Variants in PAGE2B observed in about 807,000 individuals in gnomAD.
PAGE2B encodes the protein PAGE family member 2B.
A neutral mutation model predicts 7.6 loss-of-function variants in PAGE2B; 5 were observed. The observed-to-expected ratio is 0.66, with a 90% CI of 0.34 to 1.38. The LOEUF (loss-of-function observed/expected upper bound fraction) is 1.38, where lower values mean the gene tolerates loss of function less well. PAGE2B is among the 40% of genes most tolerant of loss of function. The probability of loss-of-function intolerance (pLI) is 0.04; values close to 1 mark genes in which losing one functional copy is unlikely to be tolerated. For missense variants in PAGE2B, 70 were observed against 78.4 expected (o/e 0.89, Z 0.41); for synonymous variants, 29 against 26.7 (o/e 1.09, Z -0.27).
At chrX:55,064,086 A>G in the PAGE2B span, among the ~76,000 whole-genome samples, 1 of 111,268 alleles carries the variant, frequency 9.0e-6, no homozygotes, top group African/African-American at 3.3e-5. Flanking sequence ...TGAGTTTAGA[A>G]GTATTCTCTC....
chrX:55,044,504 G>A, the PAGE2B span, among the ~76,000 whole-genome samples: 4 of 110,715 alleles, frequency 3.6e-5, no homozygotes, highest in East Asian at 2.8e-4. Flanking sequence ...TGAGTACAGC[G>A]TACACTGCTT....
At chrX:55,073,482 A>G (rs1245255733), upstream of PAGE2B, among the ~76,000 whole-genome samples, 1 of 110,894 alleles carries the variant, frequency 9.0e-6, no homozygotes, top group African/African-American at 3.3e-5. Context: ...GGAGTTGCAG[A>G]CCAAAGCTTT....
chrX:55,037,186 A>C, the PAGE2B span, among the ~76,000 whole-genome samples: 1 of 112,013 alleles, frequency 8.9e-6, no homozygotes, highest in Non-Finnish European at 1.9e-5. Flanking sequence ...ATCTACAATG[A>C]ACTCAAACAA....
the PAGE2B span, among the ~76,000 whole-genome samples, chrX:55,062,184 A>G: frequency 1.8e-5 from 2 of 111,739 alleles, no homozygotes; most frequent in Non-Finnish European, 1.9e-5. Context: ...ACTGTTCTCC[A>G]TAATGGTTGT....
chrX:55,032,080 C>T, the PAGE2B span, among the ~76,000 whole-genome samples: 1 of 111,548 alleles, frequency 9.0e-6, no homozygotes, highest in Admixed American at 9.5e-5. Context: ...TTCCCCCCTC[C>T]ATTATGATTA....
At chrX:55,074,764 A>G (rs897190156), upstream of PAGE2B, among the ~76,000 whole-genome samples, 3 of 112,747 alleles carry the variant, frequency 2.7e-5, no homozygotes, top group Non-Finnish European at 5.6e-5. Flanking sequence ...ACACATTATT[A>G]GAGTAACCTG....
At chrX:55,039,565 G>A in the PAGE2B span, among the ~76,000 whole-genome samples, 6 of 109,788 alleles carry the variant, frequency 5.5e-5, no homozygotes, top group Admixed American at 5.8e-4. Flanking sequence ...AACCCTAATG[G>A]TATTTTTTTA....
the PAGE2B span, among the ~76,000 whole-genome samples, chrX:55,034,646 G>A: frequency 1.8e-5 from 2 of 109,074 alleles, no homozygotes; most frequent in African/African-American, 6.7e-5. Context: ...TAATCTATAT[G>A]CTTAGTAGGA....
At chrX:55,051,912 G>T in the PAGE2B span, among the ~76,000 whole-genome samples, 1 of 111,593 alleles carries the variant, frequency 9.0e-6, no homozygotes, top group East Asian at 2.8e-4. Flanking sequence ...CGGTTTTTCT[G>T]CTCTGTTTTT....
chrX:55,035,506 G>A, the PAGE2B span, among the ~76,000 whole-genome samples: 1 of 111,415 alleles, frequency 9.0e-6, no homozygotes, highest in Non-Finnish European at 1.9e-5. Flanking sequence ...TGCATTTCAG[G>A]AACAGTGAGT....
chrX:55,058,862 C>T, the PAGE2B span, among the ~76,000 whole-genome samples: 2 of 110,541 alleles, frequency 1.8e-5, no homozygotes, highest in African/African-American at 6.6e-5. Context: ...TTTATTGATG[C>T]TATGCACAAA....
At chrX:55,052,464 G>A in the PAGE2B span, among the ~76,000 whole-genome samples, 22 of 112,381 alleles carry the variant, frequency 2.0e-4, no homozygotes, top group African/African-American at 6.5e-4. Context: ...CACCCAGTTC[G>A]AGCTTCTGGG....
rs748285951 is a variant in PAGE2B, at chrX:55,077,383, C to G, written c.194-16C>G. 8.3e-7 allele frequency: 1 copy of G among 1,205,713 alleles called. No individual in the cohort carries two copies. The highest frequency in any genetic ancestry group is 1.1e-6 in the Non-Finnish European group (1 of 893,697). On this transcript the variant is annotated splice_polypyrimidine_tract_variant and intron_variant, in intron 3 of 4. Coordinates refer to ENST00000374971, the MANE Select transcript of PAGE2B (RefSeq NM_001015038.3). ...ATGTTTTAATTTGTAAACTGATGAC[C>G]TTTTTATCTTTTAAGGGCCTGACAT...
chrX:55,033,377 G>A, the PAGE2B span, among the ~76,000 whole-genome samples: 5 of 111,487 alleles, frequency 4.5e-5, no homozygotes, highest in East Asian at 5.7e-4. Flanking sequence ...AGCTGAGCCC[G>A]TGAGTGTAGG....
At chrX:55,035,619 G>A in the PAGE2B span, among the ~76,000 whole-genome samples, 1 of 111,929 alleles carries the variant, frequency 8.9e-6, no homozygotes, top group Non-Finnish European at 1.9e-5. Flanking sequence ...AAATGTTACT[G>A]CAAGAATGAA....
intron 1 of PAGE2B, 26 bp downstream of exon 1, chrX:55,075,140 G>A (rs1936491763): frequency 8.6e-6 from 1 of 116,910 alleles, no homozygotes; most frequent in African/African-American, 3.2e-5. Flanking sequence ...GGTCTTCCTG[G>A]GAATTTAGTT....
At chrX:55,045,492 G>A in the PAGE2B span, among the ~76,000 whole-genome samples, 1 of 111,039 alleles carries the variant, frequency 9.0e-6, no homozygotes, top group Non-Finnish European at 1.9e-5. Context: ...TCTTGCTTTG[G>A]AATAGAATTC....
At chrX:55,070,488 G>A (rs1382848960), upstream of PAGE2B, among the ~76,000 whole-genome samples, 1 of 111,808 alleles carries the variant, frequency 8.9e-6, no homozygotes, top group Non-Finnish European at 1.9e-5. Flanking sequence ...GTGATGTGGT[G>A]CTGAGAAGAA....
At chrX:55,063,868 T>C in the PAGE2B span, among the ~76,000 whole-genome samples, 3 of 111,528 alleles carry the variant, frequency 2.7e-5, no homozygotes, top group Non-Finnish European at 5.7e-5. Context: ...AATTGATTTG[T>C]ATATGTTGAA....
Sources: allele counts gnomAD v4.1 joint callset (sites outside exome capture counted in the v4.1 genomes callset), GRCh38; gene constraint gnomAD v4.1.1; transcripts MANE v1.5; gene names NCBI Gene and HGNC (gene_info 2026-07-23, HGNC 2026-07-21).